The following RPS6KA2 variants were observed in gnomAD, a reference collection of about 807,000 sequenced individuals.
The protein encoded by RPS6KA2 is ribosomal protein S6 kinase alpha-2.
A neutral mutation model predicts 91.8 loss-of-function variants in RPS6KA2; 42 were observed. The observed-to-expected ratio is 0.46, with a 90% CI of 0.36 to 0.59. The LOEUF is 0.59. Among genes scored for constraint, RPS6KA2 ranks in the 20% least tolerant of loss-of-function variants. RPS6KA2 has a pLI of 0.00. For missense variants in RPS6KA2, 798 were observed against 978.5 expected (o/e 0.82, Z 2.46); for synonymous variants, 414 against 393.6 (o/e 1.05, Z -0.61).
At chr6:166,421,545 C>T (rs971297604) in intron 17 of RPS6KA2, among the ~76,000 whole-genome samples, 1 of 152,178 alleles carries the variant, frequency 6.6e-6, no homozygotes, top group Non-Finnish European at 1.5e-5. Flanking sequence ...CCTCCATAGG[C>T]CAGCCCTGCA....
At chr6:166,671,143 T>G (rs1788461737) in intron 2 of RPS6KA2, among the ~76,000 whole-genome samples, 1 of 152,238 alleles carries the variant, frequency 6.6e-6, no homozygotes, top group African/African-American at 2.4e-5. Flanking sequence ...AATGTTCCTT[T>G]TGCCTGTTTT....
chr6:166,550,873 C>A lies in RPS6KA2; in HGVS notation c.100-12089G>T, dbSNP rs527876456. Among the ~76,000 whole-genome samples, 3 of 151,460 alleles carry A rather than the reference C, an allele frequency of 2.0e-5. No homozygotes were observed. The South Asian group carries it at 6.3e-4, about 32-fold the overall frequency. ...AAAATTAGCCAGGCGTGGTGGCGGG[C>A]GCCTGTAGTCCCAGCTACTCGGGAG... On this transcript the variant is annotated intron_variant, in intron 1 of 20. Transcript: ENST00000265678.
chr6:166,604,688 A>C (rs1420247256), intron 1 of RPS6KA2, among the ~76,000 whole-genome samples: 1 of 152,218 alleles, frequency 6.6e-6, no homozygotes, highest in African/African-American at 2.4e-5. Context: ...GGGGCGCCTG[A>C]TGTCTGGAGC....
intron 2 of RPS6KA2, among the ~76,000 whole-genome samples, chr6:166,741,590 T>C (rs557301850): frequency 6.6e-6 from 1 of 152,360 alleles, no homozygotes; most frequent in East Asian, 1.9e-4. Flanking sequence ...AGCCCCGGTG[T>C]CCTTTAGTAC....
rs1041478870 is a variant in RPS6KA2, at chr6:166,508,098, C to T, written c.459+105G>A. 5 of 706,580 alleles carry T rather than the reference C, an allele frequency of 7.1e-6. No homozygotes were observed. Among genetic ancestry groups the T allele is most frequent in the Admixed American group, 2.3e-5 (1 of 43,252 alleles). 43.8% of individuals were successfully genotyped at this position (706,580 alleles called of 1,614,324 possible). On this transcript the variant is annotated intron_variant, in intron 5 of 20. Transcript: ENST00000265678. This position sits in a 1 kb window ranked among gnomAD's most constrained non-coding sequence, Gnocchi z 4.3. ...ACACACCCCCACACACACACACGCA[C>T]TCTCGCACGTGCTCACGTCCTCTCA...
At chr6:166,705,934 G>C (rs1389422153) in intron 2 of RPS6KA2, among the ~76,000 whole-genome samples, 1 of 152,088 alleles carries the variant, frequency 6.6e-6, no homozygotes, top group Non-Finnish European at 1.5e-5. Flanking sequence ...TCATGAATGG[G>C]ATTATAAAAG....
chr6:166,849,185 C>T lies in RPS6KA2; in HGVS notation c.123+9015G>A, dbSNP rs1376393559. ...GTCTGTCTGTCTGTCTGGGACAATC[C>T]ACCCCTGGTCTTGCTGGTTGGTTTC... On this transcript the variant is annotated intron_variant, in intron 2 of 21. Transcript: ENST00000503859. The surrounding 1 kb of genome is among the most constrained non-coding windows in gnomAD (Gnocchi z 4.9). Among the ~76,000 whole-genome samples, 1 of 152,000 alleles carries T rather than the reference C, an allele frequency of 6.6e-6. No homozygotes were observed. Among genetic ancestry groups the T allele is most frequent in the Non-Finnish European group, 1.5e-5 (1 of 68,020 alleles).
At chr6:166,567,351 T>C (rs1429374226) in intron 1 of RPS6KA2, among the ~76,000 whole-genome samples, 1 of 152,158 alleles carries the variant, frequency 6.6e-6, no homozygotes, top group Non-Finnish European at 1.5e-5. Flanking sequence ...CACACATCCC[T>C]ACACACCCAT....
intron 2 of RPS6KA2, among the ~76,000 whole-genome samples, chr6:166,745,221 G>A (rs529582936): frequency 4.7e-4 from 70 of 147,820 alleles, no homozygotes; most frequent in Admixed American, 1.9e-3. Context: ...GCGCCATCTC[G>A]GCTCACTGCA....
chr6:166,770,959 G>A lies in RPS6KA2; in HGVS notation c.123+87241C>T, dbSNP rs545428394. 60 of 1,558,076 alleles carry A rather than the reference G, an allele frequency of 3.9e-5. 1 individual carries two copies. The East Asian group carries it at 9.4e-4, about 24-fold the overall frequency. On this transcript the variant is annotated intron_variant, in intron 2 of 21. Coordinates refer to the RPS6KA2 transcript ENST00000503859. The surrounding 1 kb of genome is among the most constrained non-coding windows in gnomAD (Gnocchi z 5.1). ...AAAGAATTCCTTTAAGTCACAGGAC[G>A]TATTTACAGTCAGCAACTTCATTAG...
At chr6:166,725,303 A>G (rs1790301595) in intron 2 of RPS6KA2, among the ~76,000 whole-genome samples, 1 of 152,200 alleles carries the variant, frequency 6.6e-6, no homozygotes, top group South Asian at 2.1e-4. Flanking sequence ...TTAGCTCTGT[A>G]TTAAATCCTC....
At chr6:166,536,745 G>T (rs1783493064) in intron 2 of RPS6KA2, among the ~76,000 whole-genome samples, 1 of 152,100 alleles carries the variant, frequency 6.6e-6, no homozygotes, top group South Asian at 2.1e-4. Context: ...AGACACCCAT[G>T]GGCGCTGCCA....
At chr6:166,564,859 C>G (rs958278111) in intron 1 of RPS6KA2, among the ~76,000 whole-genome samples, 1 of 152,162 alleles carries the variant, frequency 6.6e-6, no homozygotes, top group African/African-American at 2.4e-5. Context: ...CCTCAGTGGC[C>G]AGATCCCATT....
At chr6:166,741,810 C>G (rs1318003214) in intron 2 of RPS6KA2, among the ~76,000 whole-genome samples, 3 of 152,186 alleles carry the variant, frequency 2.0e-5, no homozygotes, top group Non-Finnish European at 4.4e-5. Flanking sequence ...CTGCTCTCAC[C>G]GTACCAGCCC....
chr6:166,838,654 C>T (rs1160382842), intron 2 of RPS6KA2, among the ~76,000 whole-genome samples: 1 of 152,198 alleles, frequency 6.6e-6, no homozygotes, highest in Non-Finnish European at 1.5e-5. Context: ...TAATACACAG[C>T]AGTCCTTCCC....
At chr6:166,415,163 A>G (rs1056747051) in intron 19 of RPS6KA2, among the ~76,000 whole-genome samples, 2 of 152,058 alleles carry the variant, frequency 1.3e-5, no homozygotes, top group Non-Finnish European at 2.9e-5. Context: ...ACTATGCACA[A>G]TAACAATATC....
chr6:166,716,019 C>A (rs111924721), intron 2 of RPS6KA2, among the ~76,000 whole-genome samples: 119 of 112,790 alleles, frequency 1.1e-3, no homozygotes, highest in Non-Finnish European at 1.5e-3. Flanking sequence ...GCCTGGCTGA[C>A]AGAGTGAGAC....
intron 1 of RPS6KA2, among the ~76,000 whole-genome samples, chr6:166,624,518 G>A (rs1786761271): frequency 6.6e-6 from 1 of 152,152 alleles, no homozygotes; most frequent in Non-Finnish European, 1.5e-5. Context: ...CGCAGAAGAG[G>A]AACTTACTGG....
intron 1 of RPS6KA2, among the ~76,000 whole-genome samples, chr6:166,600,895 T>C (rs1260338075): frequency 6.6e-6 from 1 of 152,244 alleles, no homozygotes; most frequent in Non-Finnish European, 1.5e-5. Context: ...TATTATATTA[T>C]CCCTATTGAA....
Sources: gnomAD v4.1 joint callset for allele counts (sites outside exome capture counted in the v4.1 genomes callset) on GRCh38, gnomAD v4.1.1 for gene constraint, Gnocchi (gnomAD v3.1) non-coding constraint, MANE v1.5 for transcripts, NCBI Gene and HGNC (gene_info 2026-07-23, HGNC 2026-07-21) for gene names.